The following TSPAN32 variants were observed in gnomAD, a reference collection of about 807,000 sequenced individuals.
TSPAN32 encodes the protein tetraspanin-32.
TSPAN32 carries 47 observed loss-of-function variants against 42.7 expected under a neutral mutation model. The ratio of observed to expected loss-of-function variants is 1.10; its 90% CI spans 0.87 to 1.40. The LOEUF is 1.40. TSPAN32 is among the 40% of genes most tolerant of loss of function. The pLI is 0.00. For synonymous variants in TSPAN32, 175 were observed against 175.9 expected (o/e 0.99, Z 0.04); for missense variants, 469 against 424.1 (o/e 1.11, Z -0.93).
At position 2,304,085 on chromosome 11, in the gene TSPAN32, C is replaced by A. The variant is rs1234488820; in HGVS notation, c.182-22C>A. 2.6e-6 allele frequency: 4 copies of A among 1,555,940 alleles called. No individual in the cohort carries two copies. In the African/African-American group the frequency reaches 5.4e-5, roughly 21 times the overall value. ...ACCTGTCCTGGGCACCCCTAACCCTCCTCCTCTCTCCTCCCAACCAGCCTT... is the reference window on the plus strand; with the variant it reads ...ACCTGTCCTGGGCACCCCTAACCCTACTCCTCTCTCCTCCCAACCAGCCTT... On this transcript the variant is annotated intron_variant, in intron 2 of 9. Transcript: ENST00000182290. This position sits in a 1 kb window ranked among gnomAD's most constrained non-coding sequence, Gnocchi z 4.8.
rs1564955110 is a variant in TSPAN32 at position 2,304,022 on chromosome 11, C to G, written c.182-85C>G. 3.7e-6 allele frequency: 4 copies of G among 1,090,774 alleles called. No homozygotes were observed. In the East Asian group the frequency reaches 1.0e-4, roughly 29 times the overall value. The allele number at this position is 1,090,774 out of a possible 1,614,324, so 67.6% of individuals were successfully genotyped here. A position where few individuals can be genotyped will look rare whatever the true frequency, so the allele number is the denominator to read the frequency against. On this transcript the variant is annotated intron_variant, in intron 2 of 9. Coordinates refer to ENST00000182290, the MANE Select transcript of TSPAN32 (RefSeq NM_139022.3). The surrounding 1 kb of genome is among the most constrained non-coding windows in gnomAD (Gnocchi z 4.8). ...AGGAGTCCCTCACGGCCCCTGACTC[C>G]CAAGTTAGATTTCACACCCAGGCTG...
chr11:2,309,137 G>A (rs1253936943), intron 4 of TSPAN32, among the ~76,000 whole-genome samples: 1 of 152,154 alleles, frequency 6.6e-6, no homozygotes, highest in Non-Finnish European at 1.5e-5. Context: ...GGAATGAGGA[G>A]GAAGAAGAAG....
At chr11:2,306,743 A>G (rs1848114348) in intron 3 of TSPAN32, among the ~76,000 whole-genome samples, 1 of 144,180 alleles carries the variant, frequency 6.9e-6, no homozygotes, top group South Asian at 2.3e-4. Context: ...AGGAGGACGA[A>G]GAAGGAGGAG....
At chr11:2,308,940 G>GGAGA (rs968481831) in intron 4 of TSPAN32, 130 bp downstream of exon 4, 1 of 665,904 alleles carries the variant, frequency 1.5e-6, no homozygotes, top group Non-Finnish European at 2.6e-6. Context: ...GTGGGGTGGG[G>GGAGA]GAGACCGCAG....
chr11:2,316,176 C>T, intron 6 of TSPAN32, 53 bp from the exon 7 acceptor site: 2 of 1,513,960 alleles, frequency 1.3e-6, no homozygotes, highest in East Asian at 2.5e-5. Flanking sequence ...GGCCGCTTGT[C>T]CAGGCAGGGA....
In TSPAN32 at chr11:2,304,070, G is replaced by A. The variant is rs769568491; in HGVS notation, c.182-37G>A. ...CTGTGTGCACTCAGGACCTGTCCTG[G>A]GCACCCCTAACCCTCCTCCTCTCTC... is the stretch of plus-strand genomic sequence containing the variant. On this transcript the variant is annotated intron_variant, in intron 2 of 9. Coordinates refer to ENST00000182290, the MANE Select transcript of TSPAN32 (RefSeq NM_139022.3). The surrounding 1 kb of genome is among the most constrained non-coding windows in gnomAD (Gnocchi z 4.8). 6.6e-7 allele frequency: 1 copy of A among 1,510,268 alleles called. No individual in the cohort carries two copies. Among genetic ancestry groups the A allele is most frequent in the South Asian group, 1.2e-5 (1 of 83,410 alleles). 93.6% of individuals were successfully genotyped at this position (1,510,268 alleles called of 1,614,324 possible). A position where few individuals can be genotyped will look rare whatever the true frequency, so the allele number is the denominator to read the frequency against.
chr11:2,306,842 AGAGGG>A (rs1848128203), intron 3 of TSPAN32: 1 of 5,010 alleles, frequency 2.0e-4, no homozygotes, highest in African/African-American at 3.9e-4. Context: ...AGGGGGAGGG[AGAGGG>A]AGGGGGAGGG....
At chr11:2,305,959 C>A (rs113641390) in intron 3 of TSPAN32, among the ~76,000 whole-genome samples, 2 of 152,056 alleles carry the variant, frequency 1.3e-5, no homozygotes, top group Non-Finnish European at 2.9e-5. Context: ...TGAGGGTGAG[C>A]CTATGTGTAT....
chr11:2,304,259 G>A lies in TSPAN32; in HGVS notation c.279+55G>A. 7.6e-7 allele frequency: 1 copy of A among 1,312,744 alleles called. No homozygotes were observed. The highest frequency in any genetic ancestry group is 1.0e-6 in the Non-Finnish European group (1 of 968,698). 81.3% of individuals were successfully genotyped at this position (1,312,744 alleles called of 1,614,324 possible). A position where few individuals can be genotyped will look rare whatever the true frequency, so the allele number is the denominator to read the frequency against. On this transcript the variant is annotated intron_variant, in intron 3 of 9. Coordinates refer to ENST00000182290, the MANE Select transcript of TSPAN32 (RefSeq NM_139022.3). The surrounding 1 kb of genome is among the most constrained non-coding windows in gnomAD (Gnocchi z 4.8). ...GCCCCCAGAAAAGAATTAGAAAGGAGTGAAGAGCTGGCAGGGCTGTGTGCC... is the reference window on the plus strand; with the variant it reads ...GCCCCCAGAAAAGAATTAGAAAGGAATGAAGAGCTGGCAGGGCTGTGTGCC...
intron 2 of TSPAN32, 168 bp downstream of exon 2, chr11:2,303,126 C>A: frequency 1.6e-6 from 1 of 611,010 alleles, no homozygotes. Flanking sequence ...CTCCCCTGGG[C>A]AGGGCCTCGG....
rs537950015 is a variant in TSPAN32, at chr11:2,314,578, G to T, written c.543+7G>T. 7.5e-6 allele frequency: 12 copies of T among 1,602,048 alleles called. No homozygotes were observed. Among genetic ancestry groups the T allele is most frequent in the Non-Finnish European group, 9.4e-6 (11 of 1,174,524 alleles). ...AGAGGAGGCGGCGAGAGAGGTGAGGGGGGGACCTGGATGCTGGCCAGGCAA... is the reference window on the plus strand; with the variant it reads ...AGAGGAGGCGGCGAGAGAGGTGAGGTGGGGACCTGGATGCTGGCCAGGCAA... On this transcript the variant is annotated splice_region_variant and intron_variant, in intron 6 of 9. Transcript: ENST00000182290.
In TSPAN32 at chr11:2,317,420, G is replaced by T; in HGVS notation, c.796G>T (p.Glu266Ter). The change falls in exon 9 of 10, where the codon GAA becomes TAA. Residue 266 changes from glutamate to a stop codon, truncating the protein, a stop_gained. Coordinates refer to ENST00000182290, the MANE Select transcript of TSPAN32 (RefSeq NM_139022.3). LOFTEE classifies it high-confidence loss of function. The surrounding 1 kb of genome is among the most constrained non-coding windows in gnomAD (Gnocchi z 6.2). ...QGGPTHCLHSEAVAIGPRGCS... is the reference protein window; with the variant it reads ...QGGPTHCLHS Reference sequence around the variant, plus strand: ...TGGACCCACACATTGTCTCCACTCCGAAGCAGTTGCTATTGGTCCAAGAGG... The same window carrying T: ...TGGACCCACACATTGTCTCCACTCCTAAGCAGTTGCTATTGGTCCAAGAGG... 4 of 1,603,206 alleles carry T rather than the reference G, an allele frequency of 2.5e-6. No homozygotes were observed. The South Asian group carries it at 4.5e-5, about 18-fold the overall frequency.
chr11:2,307,285 T>C (rs1403896154), intron 3 of TSPAN32, among the ~76,000 whole-genome samples: 1 of 152,166 alleles, frequency 6.6e-6, no homozygotes, highest in Non-Finnish European at 1.5e-5. Context: ...TGCCAGCATG[T>C]GTGGGTCTCC....
intron 1 of TSPAN32, chr11:2,302,588 G>A: frequency 1.8e-6 from 1 of 560,390 alleles, no homozygotes; most frequent in Non-Finnish European, 3.2e-6. Context: ...ACAATGATCA[G>A]AGGTCCTGGG....
At chr11:2,314,369 C>T in intron 5 of TSPAN32, 116 bp from the exon 6 acceptor site, 3 of 824,520 alleles carry the variant, frequency 3.6e-6, no homozygotes, top group Non-Finnish European at 6.1e-6. Context: ...AGCCCCAGCC[C>T]TGGCCTGCAG....
chr11:2,318,138 C>T lies in TSPAN32; in HGVS notation c.*214C>T, dbSNP rs1043856433. 3.6e-6 allele frequency: 2 copies of T among 549,056 alleles called. No individual in the cohort carries two copies. Among genetic ancestry groups the T allele is most frequent in the African/African-American group, 1.9e-5 (1 of 51,752 alleles). The allele number at this position is 549,056 out of a possible 1,614,324, so 34.0% of individuals were successfully genotyped here. On this transcript the variant is annotated 3_prime_UTR_variant, in exon 10 of 10. Transcript: ENST00000182290. The surrounding 1 kb of genome is among the most constrained non-coding windows in gnomAD (Gnocchi z 4.2). ...ATATACATCACATCAAATTTACCAT[C>T]TTAACCATTGTTAAGTGTATGGTTT...
rs75666343 is a variant in TSPAN32 at position 2,313,174 on chromosome 11, G to A, written c.355-480G>A. Among the ~76,000 whole-genome samples, 14 of 152,286 alleles carry A rather than the reference G, an allele frequency of 9.2e-5. No individual in the cohort carries two copies. The East Asian group carries it at 2.7e-3, about 29-fold the overall frequency. On this transcript the variant is annotated intron_variant, in intron 4 of 9. Coordinates refer to ENST00000182290, the MANE Select transcript of TSPAN32 (RefSeq NM_139022.3). This position sits in a 1 kb window ranked among gnomAD's most constrained non-coding sequence, Gnocchi z 9.1. ...CAAAAGCCTTACCCGGAGCCCAGCTGCCCGGGCTTCCAGAAGGCAGCCGGG... is the reference window on the plus strand; with the variant it reads ...CAAAAGCCTTACCCGGAGCCCAGCTACCCGGGCTTCCAGAAGGCAGCCGGG...
intron 3 of TSPAN32, among the ~76,000 whole-genome samples, chr11:2,307,776 C>T (rs953710773): frequency 5.3e-5 from 8 of 152,038 alleles, no homozygotes; most frequent in African/African-American, 1.4e-4. Flanking sequence ...ACTAGGGGCA[C>T]GGGCATCAGT....
chr11:2,317,462 C>G lies in TSPAN32; in HGVS notation c.838C>G (p.Arg280Gly). 6.2e-7 allele frequency: 1 copy of G among 1,601,510 alleles called. No homozygotes were observed. The highest frequency in any genetic ancestry group is 8.5e-7 in the Non-Finnish European group (1 of 1,174,368). Residue 280 changes from arginine to glycine, a missense_variant, in exon 9 of 10, where the codon CGG becomes GGG. Physicochemically the swap from Arg to Gly is moderately radical, Grantham distance 125. Coordinates refer to ENST00000182290, the MANE Select transcript of TSPAN32 (RefSeq NM_139022.3). This position sits in a 1 kb window ranked among gnomAD's most constrained non-coding sequence, Gnocchi z 6.2. ...TCCAAGAGGATGCTCGGGTAGTCTT[C>G]GGTGGCTGCAGGAGAGCGATGCTGC... is the stretch of plus-strand genomic sequence containing the variant. The part of the protein sequence containing the change: ...IGPRGCSGSL[R>G]WLQESDAAPL...
Sources: gnomAD v4.1 joint callset for allele counts (sites outside exome capture counted in the v4.1 genomes callset) on GRCh38, gnomAD v4.1.1 for gene constraint, Gnocchi (gnomAD v3.1) non-coding constraint, MANE v1.5 for transcripts, NCBI Gene and HGNC (gene_info 2026-07-23, HGNC 2026-07-21) for gene names.